Variants in TASP1 observed in about 807,000 individuals in gnomAD.
The protein encoded by TASP1 is threonine aspartase 1.
In TASP1, 16 loss-of-function variants were observed where a neutral mutation model predicts 56.6. That is an observed-to-expected ratio of 0.28 (90% CI 0.19 to 0.43). The LOEUF (loss-of-function observed/expected upper bound fraction) is 0.43. Among genes scored for constraint, TASP1 ranks in the 20% least tolerant of loss-of-function variants. The pLI is 1.00. For synonymous variants in TASP1, 179 were observed against 184.2 expected (o/e 0.97, Z 0.23); for missense variants, 393 against 511.6 (o/e 0.77, Z 2.24).
chr20:13,115,926 T>C, the TASP1 span, among the ~76,000 whole-genome samples: 1 of 152,304 alleles, frequency 6.6e-6, no homozygotes, highest in Non-Finnish European at 1.5e-5. Context: ...TTAGTAAGCT[T>C]AGGCAGCCAG....
At chr20:13,576,394 A>AAAGAAAGAAAGAAAGAAAGT (rs774830810) in intron 6 of TASP1, among the ~76,000 whole-genome samples, 20 of 147,264 alleles carry the variant, frequency 1.4e-4, no homozygotes, top group Admixed American at 1.0e-3. Flanking sequence ...AGAAAGAAAG[A>AAAGAAAGAAAGAAAGAAAGT]AAGTCAGTCT....
the TASP1 span, among the ~76,000 whole-genome samples, chr20:13,317,390 C>T: frequency 6.6e-6 from 1 of 151,870 alleles, no homozygotes; most frequent in Admixed American, 6.6e-5. Flanking sequence ...AGATTCAAGG[C>T]AATCTTATTC....
chr20:13,324,610 G>A, the TASP1 span, among the ~76,000 whole-genome samples: 2 of 152,214 alleles, frequency 1.3e-5, no homozygotes, highest in African/African-American at 2.4e-5. Flanking sequence ...CAAATATTAA[G>A]GAAGCTTGCA....
intron 11 of TASP1, among the ~76,000 whole-genome samples, chr20:13,439,581 C>T (rs1443080838): frequency 1.3e-5 from 2 of 151,998 alleles, no homozygotes; most frequent in African/African-American, 2.4e-5. Flanking sequence ...GGGTGTAGCA[C>T]ACCAACATGG....
At chr20:13,572,359 ACT>A (rs1341811217) in intron 6 of TASP1, among the ~76,000 whole-genome samples, 4 of 151,990 alleles carry the variant, frequency 2.6e-5, no homozygotes, top group Non-Finnish European at 5.9e-5. Context: ...AAAAAGCAAC[ACT>A]CTACTGAAAC....
intron 11 of TASP1, among the ~76,000 whole-genome samples, chr20:13,455,103 C>T (rs1203850225): frequency 2.0e-5 from 3 of 151,688 alleles, no homozygotes; most frequent in Non-Finnish European, 4.4e-5. Context: ...ACAATAAATG[C>T]CTTCTTAAAA....
intron 12 of TASP1, among the ~76,000 whole-genome samples, chr20:13,417,934 CGGA>C (rs1172799998): frequency 6.6e-5 from 10 of 152,272 alleles, no homozygotes; most frequent in South Asian, 6.2e-4. Flanking sequence ...CTTATTGAGA[CGGA>C]GTTTCACTCT....
chr20:13,479,003 G>A (rs994439626), intron 11 of TASP1, among the ~76,000 whole-genome samples: 4 of 152,094 alleles, frequency 2.6e-5, no homozygotes, highest in African/African-American at 9.7e-5. Flanking sequence ...GCTATGTTAA[G>A]TGGAAAGCAT....
At chr20:13,142,025 A>G in the TASP1 span, among the ~76,000 whole-genome samples, 3 of 152,228 alleles carry the variant, frequency 2.0e-5, no homozygotes, top group Non-Finnish European at 4.4e-5. Flanking sequence ...TCTAGTTAAG[A>G]GGGAAAGTTT....
At chr20:13,216,267 C>T in the TASP1 span, among the ~76,000 whole-genome samples, 1 of 152,044 alleles carries the variant, frequency 6.6e-6, no homozygotes, top group Non-Finnish European at 1.5e-5. Context: ...CATTCTTAGC[C>T]CCAACTTACA....
At chr20:13,485,849 G>A (rs923667030) in intron 10 of TASP1, among the ~76,000 whole-genome samples, 2 of 152,034 alleles carry the variant, frequency 1.3e-5, no homozygotes, top group Non-Finnish European at 2.9e-5. Context: ...CTAGAAAATT[G>A]GCATATTATA....
At chr20:13,541,236 A>G (rs180963672) in intron 8 of TASP1, among the ~76,000 whole-genome samples, 88 of 152,350 alleles carry the variant, frequency 5.8e-4, no homozygotes, top group Admixed American at 5.3e-3. Flanking sequence ...GATGTCACCT[A>G]CAACAGAATG....
the TASP1 span, among the ~76,000 whole-genome samples, chr20:13,269,681 T>C: frequency 2.0e-5 from 3 of 152,196 alleles, no homozygotes; most frequent in African/African-American, 7.2e-5. Context: ...TGTCACCTTC[T>C]CTGAGGGGTT....
At chr20:13,513,923 G>A (rs1256656541) in intron 10 of TASP1, among the ~76,000 whole-genome samples, 3 of 152,132 alleles carry the variant, frequency 2.0e-5, no homozygotes, top group Admixed American at 1.3e-4. Flanking sequence ...AGGAGGGTAT[G>A]TAAAACAAAG....
the TASP1 span, among the ~76,000 whole-genome samples, chr20:13,273,958 G>A: frequency 2.6e-5 from 4 of 152,266 alleles, no homozygotes; most frequent in South Asian, 2.1e-4. Flanking sequence ...TCTGTTTGTG[G>A]AAGACCACAA....
intron 4 of TASP1, among the ~76,000 whole-genome samples, chr20:13,590,318 C>A (rs762121184): frequency 2.6e-5 from 4 of 152,082 alleles, no homozygotes; most frequent in Non-Finnish European, 4.4e-5. Context: ...TACTTCAAAC[C>A]CACAAGGATG....
At chr20:13,483,058 T>C (rs1277183784) in intron 11 of TASP1, among the ~76,000 whole-genome samples, 169 bp downstream of exon 11, 1 of 152,208 alleles carries the variant, frequency 6.6e-6, no homozygotes, top group Non-Finnish European at 1.5e-5. Flanking sequence ...TGTGGTACTA[T>C]CTACTGTGGT....
At chr20:13,171,374 T>C in the TASP1 span, among the ~76,000 whole-genome samples, 1 of 152,182 alleles carries the variant, frequency 6.6e-6, no homozygotes, top group South Asian at 2.1e-4. Flanking sequence ...TCTAAAATAT[T>C]TTCAACAAAA....
chr20:13,610,926 C>T (rs2048328718), intron 4 of TASP1, among the ~76,000 whole-genome samples: 1 of 152,048 alleles, frequency 6.6e-6, no homozygotes, highest in Non-Finnish European at 1.5e-5. Flanking sequence ...GCATCTATTG[C>T]AACAGCACAG....
Sources: gnomAD v4.1 joint callset for allele counts (sites outside exome capture counted in the v4.1 genomes callset) on GRCh38, gnomAD v4.1.1 for gene constraint, MANE v1.5 for transcripts, NCBI Gene and HGNC (gene_info 2026-07-23, HGNC 2026-07-21) for gene names.